CTNNA3: variants seen among roughly 807,000 people sequenced by gnomAD.
CTNNA3 encodes the protein catenin alpha-3.
In CTNNA3, 76 loss-of-function variants were observed where a neutral mutation model predicts 95.7. The observed-to-expected ratio is 0.79, with a 90% confidence interval of 0.66 to 0.96. CTNNA3 has a LOEUF of 0.96. CTNNA3 is among the 40% of genes least tolerant of loss of function. The pLI is 0.00. For synonymous variants in CTNNA3, 431 were observed against 374.4 expected (o/e 1.15, Z -1.74); for missense variants, 1,191 against 1,089.8 (o/e 1.09, Z -1.31).
intron 15 of CTNNA3, among the ~76,000 whole-genome samples, chr10:66,033,135 C>CTTTTTTTTTTTT (rs10665142): frequency 7.6e-6 from 1 of 131,896 alleles, no homozygotes; most frequent in Non-Finnish European, 1.6e-5. Context: ...TTCTTTTTTT[C>CTTTTTTTTTTTT]TTTTTTTTTT....
chr10:66,235,370 AT>A (rs1317787600), intron 13 of CTNNA3, among the ~76,000 whole-genome samples: 1 of 151,076 alleles, frequency 6.6e-6, no homozygotes, highest in African/African-American at 2.4e-5. Context: ...TATTAAATGT[AT>A]TTTATTATAG....
At chr10:67,083,037 C>T (rs1857129031) in intron 7 of CTNNA3, among the ~76,000 whole-genome samples, 1 of 152,120 alleles carries the variant, frequency 6.6e-6, no homozygotes, top group South Asian at 2.1e-4. Flanking sequence ...CACAAAAAAG[C>T]AGGTGTTCAC....
Position 66,520,769 on chromosome 10 carries a change from A to G in CTNNA3, c.1379T>C (p.Ile460Thr). The change falls in exon 11 of 18, where the codon ATT (isoleucine) becomes ACT (threonine). Residue 460 changes from isoleucine (I) to threonine (T), a missense_variant. Ile to Thr is a moderately conservative substitution (Grantham distance 89, BLOSUM62 -1). Transcript: ENST00000433211. Reference protein sequence around the residue: ...NHLETLCPQIINAALALAARP... With the variant: ...NHLETLCPQITNAALALAARP... ...TGCAGCCAAAGCAAGTGCAGCATTAATAATCTATAAAGATAAGGATTGAAA... is the reference window on the plus strand; with the variant it reads ...TGCAGCCAAAGCAAGTGCAGCATTAGTAATCTATAAAGATAAGGATTGAAA... The G allele has an allele frequency of 5.0e-6, 8 of 1,612,112 alleles. No homozygotes were observed. Among genetic ancestry groups the G allele is most frequent in the South Asian group, 4.4e-5 (4 of 90,866 alleles).
chr10:66,691,245 C>G (rs1847523070), intron 9 of CTNNA3, among the ~76,000 whole-genome samples: 1 of 152,166 alleles, frequency 6.6e-6, no homozygotes, highest in Admixed American at 6.5e-5. Context: ...AAAATCGGGT[C>G]ACTCCCACCC....
At chr10:67,679,388 G>C (rs1268277689) in intron 1 of CTNNA3, among the ~76,000 whole-genome samples, 1 of 152,162 alleles carries the variant, frequency 6.6e-6, no homozygotes, top group Non-Finnish European at 1.5e-5. Context: ...CTATTTTACA[G>C]AGCACTGAAA....
chr10:66,529,465 T>TA (rs201166989), intron 10 of CTNNA3, among the ~76,000 whole-genome samples: 1,577 of 148,524 alleles, frequency 0.011, 32 homozygotes, highest in African/African-American at 0.037. Context: ...TTTTTTTTAA[T>TA]AAAAAAACCT....
At chr10:67,710,468 G>C (rs1474844162) in intron 1 of CTNNA3, among the ~76,000 whole-genome samples, 2 of 152,234 alleles carry the variant, frequency 1.3e-5, no homozygotes, top group African/African-American at 4.8e-5. Context: ...TAGAAACCCA[G>C]GATTTTAGCC....
At chr10:66,765,199 C>A (rs1451164420) in intron 9 of CTNNA3, among the ~76,000 whole-genome samples, 1 of 152,134 alleles carries the variant, frequency 6.6e-6, no homozygotes, top group East Asian at 1.9e-4. Context: ...GCATTGGAAA[C>A]CTCCTCCCCG....
chr10:66,265,019 T>C (rs770970859), intron 13 of CTNNA3, among the ~76,000 whole-genome samples: 1 of 152,032 alleles, frequency 6.6e-6, no homozygotes, highest in Admixed American at 6.6e-5. Context: ...TCATTAAGAT[T>C]TACTACCAAA....
intron 12 of CTNNA3, among the ~76,000 whole-genome samples, chr10:66,372,943 C>T (rs956808107): frequency 2.0e-5 from 3 of 152,108 alleles, no homozygotes; most frequent in Admixed American, 6.6e-5. Flanking sequence ...GGGACACAGC[C>T]AAACCACATC....
At chr10:67,329,094 G>A (rs1418214050) in intron 5 of CTNNA3, among the ~76,000 whole-genome samples, 1 of 152,194 alleles carries the variant, frequency 6.6e-6, no homozygotes, top group Admixed American at 6.5e-5. Flanking sequence ...CAAATGGGCT[G>A]GGTGCAAGGG....
At chr10:66,018,108 A>G (rs1381046368) in intron 15 of CTNNA3, among the ~76,000 whole-genome samples, 1 of 151,918 alleles carries the variant, frequency 6.6e-6, no homozygotes, top group Non-Finnish European at 1.5e-5. Flanking sequence ...CATATTATAT[A>G]CAACTTACAA....
Position 66,280,506 on chromosome 10 carries a change from T to G in CTNNA3, c.1848A>C (p.Thr616=). ...FVDISKKIYD[T]IHDIRCSVMM... is the part of the protein sequence containing the mutation. Reference sequence around the variant, plus strand: ...TGACTGAACATCTGATATCATGAATTGTATCATAGATCTTCTTTGAGATGT... The same window carrying G: ...TGACTGAACATCTGATATCATGAATGGTATCATAGATCTTCTTTGAGATGT... The change falls in exon 13 of 18, where the codon ACA becomes ACC. Residue 616 remains threonine, a synonymous_variant. Transcript: ENST00000433211. The G allele has an allele frequency of 6.2e-7, 1 of 1,609,128 alleles. No homozygotes were observed. Among genetic ancestry groups the G allele is most frequent in the Non-Finnish European group, 8.5e-7 (1 of 1,177,938 alleles).
intron 7 of CTNNA3, among the ~76,000 whole-genome samples, chr10:66,823,176 T>A (rs1842361346): frequency 6.6e-6 from 1 of 152,194 alleles, no homozygotes; most frequent in Non-Finnish European, 1.5e-5. Context: ...CTTGTCCACA[T>A]TCCTAGCTGG....
intron 7 of CTNNA3, among the ~76,000 whole-genome samples, chr10:67,152,144 A>G (rs1211007999): frequency 1.3e-5 from 2 of 152,238 alleles, no homozygotes; most frequent in East Asian, 3.9e-4. Context: ...CTAAGAGAGT[A>G]GAGTTGCTGT....
chr10:66,264,460 A>G (rs181833055), intron 13 of CTNNA3, among the ~76,000 whole-genome samples: 1 of 152,156 alleles, frequency 6.6e-6, no homozygotes, highest in Admixed American at 6.6e-5. Context: ...ACTTGCTAGT[A>G]GTCATATTAA....
intron 7 of CTNNA3, among the ~76,000 whole-genome samples, chr10:67,026,401 A>T (rs1853392242): frequency 6.6e-6 from 1 of 152,058 alleles, no homozygotes. Flanking sequence ...ATTTGTAAAT[A>T]TAAAAATAGA....
rs971452997 is a variant in CTNNA3 at position 65,915,145 on chromosome 10, A to G, written c.*5185T>C. 6.6e-6 allele frequency: 1 copy of G among 152,174 alleles called. No individual in the cohort carries two copies. Among genetic ancestry groups the G allele is most frequent in the Middle Eastern group, 3.2e-3 (1 of 316 alleles). 9.4% of individuals were successfully genotyped at this position (152,174 alleles called of 1,614,324 possible). ...CAGTTGTTTAACAAATAGCTGTTAAATATATGAACGTATGGTAACCCAGAT... is the reference window on the plus strand; with the variant it reads ...CAGTTGTTTAACAAATAGCTGTTAAGTATATGAACGTATGGTAACCCAGAT... On this transcript the variant is annotated 3_prime_UTR_variant, in exon 18 of 18. Transcript: ENST00000433211.
chr10:65,957,717 C>T (rs2077761690), intron 17 of CTNNA3, among the ~76,000 whole-genome samples: 1 of 151,318 alleles, frequency 6.6e-6, no homozygotes, highest in African/African-American at 2.4e-5. Flanking sequence ...GAATATTGGC[C>T]CTCTCTTCTG....
Sources: gnomAD v4.1 joint callset for allele counts (sites outside exome capture counted in the v4.1 genomes callset) on GRCh38, gnomAD v4.1.1 for gene constraint, MANE v1.5 for transcripts, NCBI Gene and HGNC (gene_info 2026-07-23, HGNC 2026-07-21) for gene names.